Variants in BUB1B observed in about 807,000 individuals in gnomAD.
BUB1B encodes the protein mitotic checkpoint serine/threonine-protein kinase BUB1 beta.
Under a neutral mutation model 137.7 loss-of-function variants are expected in BUB1B, and 86 were observed. That is an observed-to-expected ratio of 0.62 (90% confidence interval 0.52 to 0.75). The LOEUF (loss-of-function observed/expected upper bound fraction) is 0.75. BUB1B is among the 30% of genes least tolerant of loss of function. The pLI is 0.00. For missense variants in BUB1B, 1,130 were observed against 1,236.9 expected, an observed-to-expected ratio of 0.91 and a Z score of 1.30; for synonymous variants, 420 against 417.9, an observed-to-expected ratio of 1.00 and a Z score of -0.06.
At chr15:40,202,734 T>A (rs376756469) in intron 14 of BUB1B, 40 bp downstream of exon 14, 6 of 1,530,020 alleles carry the variant, frequency 3.9e-6, no homozygotes, top group Non-Finnish European at 5.4e-6. Context: ...AATGGGCTAG[T>A]GGATTGTTTA....
At chr15:40,166,850 G>A (rs2037104491) in intron 2 of BUB1B, among the ~76,000 whole-genome samples, 1 of 152,116 alleles carries the variant, frequency 6.6e-6, no homozygotes, top group African/African-American at 2.4e-5. Context: ...GTGGAGTTGT[G>A]TCTCATTACT....
rs183222627 is a variant in BUB1B at position 40,181,383 on chromosome 15, G to A, written c.582-2331G>A. Among the ~76,000 whole-genome samples, 219 of 152,300 alleles carry A rather than the reference G, an allele frequency of 1.4e-3. 1 individual carries two copies. The highest frequency in any genetic ancestry group is 5.1e-3 in the African/African-American group (212 of 41,568). ...TGGGATTACAGGCGTGAACCACCAC[G>A]CCTGGCCTAGATGTGGTTTTCTTTA... is the stretch of plus-strand genomic sequence containing the variant. On this transcript the variant is annotated intron_variant, in intron 5 of 22. Coordinates refer to ENST00000287598, the MANE Select transcript of BUB1B (RefSeq NM_001211.6).
chr15:40,189,025 C>T (rs2037404966), intron 8 of BUB1B, among the ~76,000 whole-genome samples: 2 of 152,108 alleles, frequency 1.3e-5, no homozygotes, highest in African/African-American at 4.8e-5. Flanking sequence ...TGTACCCATA[C>T]CTGTAAGACT....
chr15:40,170,766 G>C, intron 4 of BUB1B, 85 bp downstream of exon 4: 1 of 1,356,078 alleles, frequency 7.4e-7, no homozygotes, highest in Non-Finnish European at 1.0e-6. Flanking sequence ...CAAAAAAAAA[G>C]TAAAACAGCC....
At position 40,218,437 on chromosome 15, in the gene BUB1B, G is replaced by C; in HGVS notation, c.2851-19G>C. ...AGGCAGAGAATTATTTTAGCTGATG[G>C]TGCTTTTTGTGATTTCAGGTAGACC... On this transcript the variant is annotated intron_variant, in intron 21 of 22. Transcript: ENST00000287598. The C allele has an allele frequency of 6.4e-7, 1 of 1,573,602 alleles. No homozygotes were observed. The highest frequency in any genetic ancestry group is 8.7e-7 in the Non-Finnish European group (1 of 1,143,956).
Position 40,165,171 on chromosome 15 carries a change from A to G in BUB1B, c.154A>G (p.Asn52Asp), listed in dbSNP as rs1271543867. The change falls in exon 2 of 23, where the codon AAC becomes GAC. Residue 52 changes from asparagine (N) to aspartate (D), a missense_variant. Physicochemically the swap from Asn to Asp is conservative, Grantham distance 23 (BLOSUM62 1). Coordinates refer to ENST00000287598, the MANE Select transcript of BUB1B (RefSeq NM_001211.6). The stretch of plus-strand genomic sequence containing the variant: ...AGCACTGGCACAAGAATCTGCCTGT[A>G]ACAATACTCTTCAGCAGCAGAAACG... Reference protein sequence around the residue: ...QGALAQESACNNTLQQQKRAF... With the variant: ...QGALAQESACDNTLQQQKRAF... 6.2e-7 allele frequency: 1 copy of G among 1,614,218 alleles called. No homozygotes were observed. The highest frequency in any genetic ancestry group is 8.5e-7 in the Non-Finnish European group (1 of 1,180,040).
chr15:40,201,721 C>A (rs1249994435), intron 12 of BUB1B, among the ~76,000 whole-genome samples: 1 of 152,112 alleles, frequency 6.6e-6, no homozygotes, highest in Non-Finnish European at 1.5e-5. Context: ...GGCTGGAGTG[C>A]GGTGGCGCGA....
At chr15:40,212,314 G>T (rs1406959675) in intron 18 of BUB1B, among the ~76,000 whole-genome samples, 185 bp from the exon 19 acceptor site, 1 of 152,206 alleles carries the variant, frequency 6.6e-6, no homozygotes, top group Non-Finnish European at 1.5e-5. Flanking sequence ...GTTACCTCCT[G>T]TTCTCTTTCC....
At position 40,210,134 on chromosome 15, in the gene BUB1B, G is replaced by A. The variant is rs1422532977; in HGVS notation, c.2309G>A (p.Arg770Gln). Residue 770 changes from arginine to glutamine, a missense_variant, in exon 18 of 23, where the codon CGA becomes CAA. By Grantham distance (43) the Arg-to-Gln change is conservative. Coordinates refer to ENST00000287598, the MANE Select transcript of BUB1B (RefSeq NM_001211.6). ...GGTAATGAGGATTACTGCATTAAACGAGAATACCTAATATGTGAAGATTAC... is the reference window on the plus strand; with the variant it reads ...GGTAATGAGGATTACTGCATTAAACAAGAATACCTAATATGTGAAGATTAC... ...ELGNEDYCIK[R>Q]EYLICEDYKL... The A allele has an allele frequency of 3.7e-6, 6 of 1,611,604 alleles. No individual in the cohort carries two copies. Among genetic ancestry groups the A allele is most frequent in the Middle Eastern group, 3.3e-4 (2 of 6,058 alleles).
chr15:40,166,716 C>G (rs1438399970), intron 2 of BUB1B, among the ~76,000 whole-genome samples: 1 of 152,176 alleles, frequency 6.6e-6, no homozygotes, highest in African/African-American at 2.4e-5. Flanking sequence ...GTTGAAGAAA[C>G]TGGTTTACCA....
chr15:40,179,762 A>G (rs2037261833), intron 5 of BUB1B, among the ~76,000 whole-genome samples: 1 of 151,940 alleles, frequency 6.6e-6, no homozygotes, highest in Non-Finnish European at 1.5e-5. Context: ...GCCTCTTACA[A>G]CTTTAAGTGG....
chr15:40,164,145 T>C (rs1050097330), intron 1 of BUB1B, among the ~76,000 whole-genome samples: 44 of 152,254 alleles, frequency 2.9e-4, no homozygotes, highest in Non-Finnish European at 1.2e-4. Context: ...TGTTTGCTTC[T>C]GCTTTTAGCT....
intron 15 of BUB1B, 78 bp downstream of exon 15, chr15:40,206,536 C>A: frequency 6.3e-7 from 1 of 1,579,570 alleles, no homozygotes; most frequent in South Asian, 1.1e-5. Context: ...TTACAGTAAT[C>A]AGTTATCAAG....
chr15:40,195,641 T>G (rs2037488994), intron 8 of BUB1B, among the ~76,000 whole-genome samples: 2 of 152,142 alleles, frequency 1.3e-5, no homozygotes, highest in Non-Finnish European at 2.9e-5. Context: ...CATGCCAGTG[T>G]CTATTATTTT....
At chr15:40,199,864 G>C in intron 10 of BUB1B, 137 bp downstream of exon 10, 1 of 725,082 alleles carries the variant, frequency 1.4e-6, no homozygotes, top group Non-Finnish European at 2.4e-6. Context: ...TAGCCGGAAA[G>C]TTGAGCGGGA....
At chr15:40,161,404 C>A in intron 1 of BUB1B, 149 bp downstream of exon 1, 1 of 958,582 alleles carries the variant, frequency 1.0e-6, no homozygotes, top group Non-Finnish European at 1.4e-6. Flanking sequence ...AGTAGAATGC[C>A]GGAGGTGGAG....
chr15:40,164,300 C>G (rs1305024144), intron 1 of BUB1B, among the ~76,000 whole-genome samples: 1 of 149,992 alleles, frequency 6.7e-6, no homozygotes, highest in Non-Finnish European at 1.5e-5. Flanking sequence ...GTGATCATGG[C>G]TCACTGCAGC....
chr15:40,191,433 A>G (rs982418211), intron 8 of BUB1B, among the ~76,000 whole-genome samples: 2 of 152,234 alleles, frequency 1.3e-5, no homozygotes, highest in East Asian at 1.9e-4. Context: ...TATTTTCTCA[A>G]TGATCTCTTT....
At chr15:40,202,499 T>A in intron 13 of BUB1B, 34 bp downstream of exon 13, 1 of 1,599,530 alleles carries the variant, frequency 6.3e-7, no homozygotes, top group Non-Finnish European at 8.6e-7. Flanking sequence ...GGTTTTTTTT[T>A]ACTTAAGAAT....
Sources: allele counts gnomAD v4.1 joint callset (sites outside exome capture counted in the v4.1 genomes callset), GRCh38; gene constraint gnomAD v4.1.1; transcripts MANE v1.5; gene names NCBI Gene and HGNC (gene_info 2026-07-23, HGNC 2026-07-21).